Variants in PSMD14 observed in about 807,000 individuals in gnomAD.
The protein encoded by PSMD14 is proteasome 26S subunit, non-ATPase 14.
Under a neutral mutation model 41.2 loss-of-function variants are expected in PSMD14, and 7 were observed. That is an observed-to-expected ratio of 0.17 (90% CI 0.10 to 0.32). The LOEUF (loss-of-function observed/expected upper bound fraction) is 0.32. Ranked by LOEUF, PSMD14 falls within the 10% of genes least tolerant of loss-of-function variation. The pLI, the probability that PSMD14 is intolerant of heterozygous loss-of-function variation, is 1.00. For synonymous variants in PSMD14, 114 were observed against 122.3 expected, an observed-to-expected ratio of 0.93 and a Z score of 0.45; for missense variants, 139 against 375.6, an observed-to-expected ratio of 0.37 and a Z score of 5.21.
chr2:161,315,193 T>C (rs891944043), intron 1 of PSMD14, among the ~76,000 whole-genome samples: 1 of 152,204 alleles, frequency 6.6e-6, no homozygotes, highest in African/African-American at 2.4e-5. Context: ...GCTGGATAGG[T>C]GCTGCTGTTG....
chr2:161,359,898 T>A (rs1683265360), intron 3 of PSMD14, among the ~76,000 whole-genome samples: 1 of 152,336 alleles, frequency 6.6e-6, no homozygotes, highest in Middle Eastern at 3.4e-3. Context: ...TTGTGATATA[T>A]GTCGATGTAG....
At chr2:161,354,336 C>G (rs1413402407) in intron 3 of PSMD14, among the ~76,000 whole-genome samples, 1 of 152,156 alleles carries the variant, frequency 6.6e-6, no homozygotes, top group African/African-American at 2.4e-5. Context: ...GCCTCCACTT[C>G]CCAGGCTCAA....
chr2:161,317,931 T>C (rs1028902236), intron 2 of PSMD14, among the ~76,000 whole-genome samples: 14 of 152,196 alleles, frequency 9.2e-5, no homozygotes, highest in South Asian at 4.1e-4. Context: ...TACTTAGTTG[T>C]ACTGTTATTA....
intron 3 of PSMD14, among the ~76,000 whole-genome samples, chr2:161,358,625 C>T (rs530404183): frequency 2.0e-5 from 3 of 152,148 alleles, no homozygotes; most frequent in Non-Finnish European, 4.4e-5. Flanking sequence ...TTGACTCATA[C>T]GTTTTTCTCC....
At chr2:161,407,204 T>C (rs1246547025) in intron 10 of PSMD14, among the ~76,000 whole-genome samples, 1 of 152,136 alleles carries the variant, frequency 6.6e-6, no homozygotes, top group Non-Finnish European at 1.5e-5. Flanking sequence ...TAGAAAAACA[T>C]ACTCTTAATA....
At chr2:161,361,497 T>C (rs1683289035) in intron 3 of PSMD14, among the ~76,000 whole-genome samples, 1 of 151,208 alleles carries the variant, frequency 6.6e-6, no homozygotes, top group African/African-American at 2.4e-5. Context: ...AAATAGAAAA[T>C]GGAAAACTTT....
intron 8 of PSMD14, among the ~76,000 whole-genome samples, chr2:161,387,260 T>C (rs1426779584): frequency 3.9e-5 from 6 of 152,018 alleles, no homozygotes; most frequent in African/African-American, 1.4e-4. Context: ...TTTCTTATTT[T>C]TCTAAGACAA....
intron 3 of PSMD14, among the ~76,000 whole-genome samples, chr2:161,350,684 T>C (rs927433864): frequency 1.3e-5 from 2 of 152,252 alleles, no homozygotes; most frequent in African/African-American, 4.8e-5. Context: ...AATTGAGGAA[T>C]AAGTGGATTT....
intron 3 of PSMD14, among the ~76,000 whole-genome samples, chr2:161,343,376 T>A (rs1365134254): frequency 6.6e-6 from 1 of 152,248 alleles, no homozygotes; most frequent in Non-Finnish European, 1.5e-5. Context: ...CATGTTGTAG[T>A]ATGTGTCAGA....
At chr2:161,367,707 T>C in intron 4 of PSMD14, 77 bp from the exon 5 acceptor site, 1 of 1,524,538 alleles carries the variant, frequency 6.6e-7, no homozygotes, top group Non-Finnish European at 8.8e-7. Context: ...GGAACAAAAT[T>C]TGGTTTTTGT....
intron 10 of PSMD14, among the ~76,000 whole-genome samples, chr2:161,402,838 A>G (rs755410984): frequency 3.7e-4 from 57 of 152,232 alleles, no homozygotes; most frequent in Non-Finnish European, 6.8e-4. Context: ...AAGATGTTCA[A>G]TCAATTATTG....
intron 10 of PSMD14, 147 bp downstream of exon 10, chr2:161,395,350 A>G (rs1683778759): frequency 1.0e-5 from 8 of 765,494 alleles, no homozygotes; most frequent in East Asian, 2.9e-5. Context: ...CTGGTCTGCA[A>G]CTACTCACCC....
chr2:161,400,226 A>G (rs1021231972), intron 10 of PSMD14, among the ~76,000 whole-genome samples: 30 of 152,350 alleles, frequency 2.0e-4, no homozygotes, highest in African/African-American at 6.5e-4. Context: ...GGTTCCTTCT[A>G]TCTCTCTGCT....
Position 161,327,695 on chromosome 2 carries a change from T to G in PSMD14, c.48+8822T>G, listed in dbSNP as rs569363754. Among the ~76,000 whole-genome samples the G allele has an allele frequency of 5.3e-5, 8 of 152,148 alleles. No homozygotes were observed. The East Asian group carries it at 1.4e-3, about 26-fold the overall frequency. Reference sequence around the variant, plus strand: ...ACAAGCAAAGATGAAGACAGGATACTGGCAACACATTAATCTGCAACACCA... The same window carrying G: ...ACAAGCAAAGATGAAGACAGGATACGGGCAACACATTAATCTGCAACACCA... On this transcript the variant is annotated intron_variant, in intron 3 of 11. Transcript: ENST00000409682.
chr2:161,397,850 T>A (rs1048774917), intron 10 of PSMD14, among the ~76,000 whole-genome samples: 1 of 152,170 alleles, frequency 6.6e-6, no homozygotes, highest in African/African-American at 2.4e-5. Flanking sequence ...CTTATCTTTC[T>A]AGTATACGTT....
At chr2:161,352,926 T>G (rs1217403292) in intron 3 of PSMD14, among the ~76,000 whole-genome samples, 2 of 152,204 alleles carry the variant, frequency 1.3e-5, no homozygotes, top group Non-Finnish European at 2.9e-5. Context: ...AGCATCCACT[T>G]AACCTTCAGC....
intron 3 of PSMD14, among the ~76,000 whole-genome samples, chr2:161,330,339 A>G (rs1033396254): frequency 3.3e-5 from 5 of 152,224 alleles, no homozygotes; most frequent in East Asian, 1.9e-4. Flanking sequence ...TCTGTCTAAT[A>G]TGGGAAATTA....
intron 9 of PSMD14, among the ~76,000 whole-genome samples, chr2:161,394,151 T>G (rs1188580704): frequency 6.6e-6 from 1 of 151,866 alleles, no homozygotes; most frequent in East Asian, 1.9e-4. Flanking sequence ...TTTGTGTTTT[T>G]AGTAGCGACA....
intron 3 of PSMD14, among the ~76,000 whole-genome samples, chr2:161,319,854 T>C (rs1316403754): frequency 6.6e-6 from 1 of 152,194 alleles, no homozygotes; most frequent in East Asian, 1.9e-4. Context: ...TTATGACTTT[T>C]ATAAAGTTGA....
Sources: gnomAD v4.1 joint callset for allele counts (sites outside exome capture counted in the v4.1 genomes callset) on GRCh38, gnomAD v4.1.1 for gene constraint, MANE v1.5 for transcripts, NCBI Gene and HGNC (gene_info 2026-07-23, HGNC 2026-07-21) for gene names.